Variants in PPP1R16A observed in about 807,000 individuals in gnomAD.
PPP1R16A encodes protein phosphatase 1 regulatory subunit 16A.
Under a neutral mutation model 46.6 loss-of-function variants are expected in PPP1R16A, and 39 were observed. The observed-to-expected ratio is 0.84, with a 90% CI of 0.65 to 1.09. The LOEUF is 1.09. PPP1R16A is among the 50% of genes least tolerant of loss of function. The pLI, the probability that PPP1R16A is intolerant of heterozygous loss-of-function variation, is 0.00. For missense variants in PPP1R16A, 798 were observed against 735.6 expected (o/e 1.08, Z -0.98); for synonymous variants, 413 against 321.5 (o/e 1.28, Z -3.04).
chr8:144,499,107 A>C, intron 5 of PPP1R16A, 46 bp downstream of exon 5: 1 of 1,536,796 alleles, frequency 6.5e-7, no homozygotes, highest in Non-Finnish European at 8.8e-7. Context: ...TTCCTCTCAG[A>C]TGGCCGCTCA....
chr8:144,479,723 G>A (rs1825325528), intron 1 of PPP1R16A, among the ~76,000 whole-genome samples: 1 of 152,212 alleles, frequency 6.6e-6, no homozygotes, highest in Admixed American at 6.5e-5. Flanking sequence ...CCCCGAGCGT[G>A]TCCTAACCCT....
At position 144,498,922 on chromosome 8, in the gene PPP1R16A, A is replaced by G. The variant is rs540375232; in HGVS notation, c.337A>G (p.Ile113Val). ...CACGTGGCACGGTTTGCAGTGCTGC[A>G]TTGATGATTTCCGAGAGATGGTGCA... The part of the protein sequence containing the change: ...DGLTALHQCC[I>V]DDFREMVQQL... Residue 113 changes from isoleucine (I) to valine (V), a missense_variant, in exon 5 of 12, where the codon ATT becomes GTT. Physicochemically the swap from Ile to Val is conservative, Grantham distance 29. Transcript: ENST00000435887. 8 of 1,612,980 alleles carry G rather than the reference A, an allele frequency of 5.0e-6. No homozygotes were observed. The South Asian group carries it at 6.6e-5, about 13-fold the overall frequency.
At chr8:144,480,895 GT>G (rs1265685667) in intron 1 of PPP1R16A, among the ~76,000 whole-genome samples, 33 of 146,450 alleles carry the variant, frequency 2.3e-4, no homozygotes, top group Non-Finnish European at 2.4e-4. Flanking sequence ...TGTTTGATGG[GT>G]TTTTTTTTTT....
intron 1 of PPP1R16A, among the ~76,000 whole-genome samples, chr8:144,482,191 G>T (rs1327798586): frequency 2.6e-5 from 4 of 151,616 alleles, no homozygotes; most frequent in Non-Finnish European, 5.9e-5. Flanking sequence ...TTCTGCCTCA[G>T]CCTCCCAAGT....
chr8:144,483,225 A>G (rs1825508713), intron 1 of PPP1R16A, among the ~76,000 whole-genome samples: 1 of 152,176 alleles, frequency 6.6e-6, no homozygotes, highest in South Asian at 2.1e-4. Context: ...GTGTGTGTAA[A>G]GTAGGTTTCC....
rs1213136606 is a variant in PPP1R16A at position 144,493,134 on chromosome 8, C to G, written c.-735+2922C>G. Among the ~76,000 whole-genome samples, 4 of 152,050 alleles carry G rather than the reference C, an allele frequency of 2.6e-5. No individual in the cohort carries two copies. Among genetic ancestry groups the G allele is most frequent in the African/African-American group, 9.7e-5 (4 of 41,408 alleles). Reference sequence around the variant, plus strand: ...GCCTCCCTTCCTGAATCCACATGGCCCAGCGGTATGTAGGCAGTGAGGGGA... The same window carrying G: ...GCCTCCCTTCCTGAATCCACATGGCGCAGCGGTATGTAGGCAGTGAGGGGA... On this transcript the variant is annotated intron_variant, in intron 2 of 11. Transcript: ENST00000435887. The surrounding 1 kb of genome is among the most constrained non-coding windows in gnomAD (Gnocchi z 4.3).
intron 2 of PPP1R16A, among the ~76,000 whole-genome samples, chr8:144,492,364 C>G (rs1464934828): frequency 7.5e-6 from 1 of 134,028 alleles, no homozygotes; most frequent in Non-Finnish European, 1.6e-5. Flanking sequence ...GATAGGGAGT[C>G]TCTCTCTGTC....
chr8:144,501,263 C>G lies in PPP1R16A; in HGVS notation c.1172C>G (p.Thr391Arg), dbSNP rs773843554. ...EPPEDNDDRQTGAELRPPPPE... is the reference protein window; with the variant it reads ...EPPEDNDDRQRGAELRPPPPE... ...CCCGAGGACAACGATGACCGCCAGA[C>G]AGGCGCAGAGCTCAGGCCGCCGCCC... The change falls in exon 11 of 12, where the codon ACA (threonine) becomes AGA (arginine). Residue 391 changes from threonine to arginine, a missense_variant. Thr to Arg is a moderately conservative substitution (Grantham distance 71). Coordinates refer to ENST00000435887, the MANE Select transcript of PPP1R16A (RefSeq NM_001329443.2). The G allele has an allele frequency of 2.5e-6, 4 of 1,601,112 alleles. 1 individual carries two copies. The Middle Eastern group carries it at 4.9e-4, about 198-fold the overall frequency.
intron 5 of PPP1R16A, 159 bp from the exon 6 acceptor site, chr8:144,499,937 C>T (rs1163784824): frequency 7.5e-6 from 5 of 670,204 alleles, no homozygotes; most frequent in African/African-American, 1.8e-5. Context: ...CTAGGACAGC[C>T]GATGGGCCCC....
In PPP1R16A at chr8:144,502,086, C is replaced by T. The variant is rs942139093; in HGVS notation, c.*183C>T. On this transcript the variant is annotated 3_prime_UTR_variant, in exon 12 of 12. Coordinates refer to ENST00000435887, the MANE Select transcript of PPP1R16A (RefSeq NM_001329443.2). Reference sequence around the variant, plus strand: ...GTCTGGCTGCAAAGACTATTTTTATCCTGCAACTCTTGATAAAGGGCTGTT... The same window carrying T: ...GTCTGGCTGCAAAGACTATTTTTATTCTGCAACTCTTGATAAAGGGCTGTT... The T allele has an allele frequency of 4.3e-5, 25 of 587,800 alleles. No homozygotes were observed. The highest frequency in any genetic ancestry group is 3.4e-4 in the Admixed American group (10 of 29,606). 36.4% of individuals were successfully genotyped at this position (587,800 alleles called of 1,614,324 possible).
chr8:144,501,436 C>A, intron 11 of PPP1R16A, 84 bp from the exon 12 acceptor site: 1 of 1,477,358 alleles, frequency 6.8e-7, no homozygotes, highest in South Asian at 1.4e-5. Flanking sequence ...TCCTGTCTGT[C>A]CCTTCATGAC....
At chr8:144,496,396 G>A (rs1826068651) in intron 2 of PPP1R16A, 65 bp from the exon 3 acceptor site, 1 of 152,540 alleles carries the variant, frequency 6.6e-6, no homozygotes, top group Non-Finnish European at 1.5e-5. Flanking sequence ...CCCAGGGCAG[G>A]GGCTCCCCCG....
chr8:144,484,068 A>G (rs1469358515), intron 1 of PPP1R16A, among the ~76,000 whole-genome samples: 5 of 152,168 alleles, frequency 3.3e-5, no homozygotes. Flanking sequence ...TTGGTTGTCT[A>G]GACCCCACAC....
Position 144,498,780 on chromosome 8 carries a change from C to T in PPP1R16A, c.270C>T (p.Phe90=), listed in dbSNP as rs139881624. The change falls in exon 4 of 12, where the codon TTC becomes TTT. Residue 90 remains phenylalanine, a synonymous_variant. Coordinates refer to ENST00000435887, the MANE Select transcript of PPP1R16A (RefSeq NM_001329443.2). The stretch of plus-strand genomic sequence containing the variant: ...GCCACCTTTTTGCAGTCCGCCAGTT[C>T]CTTGGGAGTGGGGTCAGCCCTGACT... ...ARNDLEEVRQ[F]LGSGVSPDLA... 178 of 1,589,066 alleles carry T rather than the reference C, an allele frequency of 1.1e-4. 1 individual carries two copies. Among genetic ancestry groups the T allele is most frequent in the Middle Eastern group, 3.3e-4 (2 of 6,002 alleles).
rs566338899 is a variant in PPP1R16A, at chr8:144,496,737, ACTCTCAGGGG to A, written c.-454_-445del. 20 of 212,356 alleles carry A rather than the reference ACTCTCAGGGG, an allele frequency of 9.4e-5. No homozygotes were observed. Among genetic ancestry groups the A allele is most frequent in the African/African-American group, 4.4e-4 (19 of 43,678 alleles). 13.2% of individuals were successfully genotyped at this position (212,356 alleles called of 1,614,324 possible). ...CCTGAGCCTAGAAGGTGAAAAGAGG[ACTCTCAGGGG>A]CTCACAGGGGCTCTCACTGCTGGTT... On this transcript the variant is annotated 5_prime_UTR_variant, in exon 3 of 12. Coordinates refer to ENST00000435887, the MANE Select transcript of PPP1R16A (RefSeq NM_001329443.2).
Position 144,500,411 on chromosome 8 carries a change from G to A in PPP1R16A, c.705+20G>A. ...ACGCTGGTGAGGGCTGGGGGGTGAG[G>A]GGCACACGGGGCTGGGGGCCTCGCT... On this transcript the variant is annotated intron_variant, in intron 7 of 11. Transcript: ENST00000435887. The A allele has an allele frequency of 6.6e-7, 1 of 1,518,298 alleles. No individual in the cohort carries two copies. Among genetic ancestry groups the A allele is most frequent in the Non-Finnish European group, 8.8e-7 (1 of 1,137,238 alleles). The allele number at this position is 1,518,298 out of a possible 1,614,324, so 94.1% of individuals were successfully genotyped here. A position where few individuals can be genotyped will look rare whatever the true frequency, so the allele number is the denominator to read the frequency against.
intron 1 of PPP1R16A, among the ~76,000 whole-genome samples, chr8:144,482,482 G>A (rs1428078099): frequency 2.0e-5 from 3 of 151,608 alleles, no homozygotes; most frequent in African/African-American, 7.3e-5. Context: ...CCACCTCCTG[G>A]GTTTAAGCAG....
At chr8:144,499,600 G>A (rs965963628) in intron 5 of PPP1R16A, 11 of 185,944 alleles carry the variant, frequency 5.9e-5, no homozygotes, top group Non-Finnish European at 1.0e-4. Flanking sequence ...CATGGCGGTC[G>A]CGTCACACAC....
At chr8:144,482,019 G>A (rs1312921399) in intron 1 of PPP1R16A, among the ~76,000 whole-genome samples, 22 of 151,876 alleles carry the variant, frequency 1.4e-4, no homozygotes, top group Admixed American at 6.5e-4. Flanking sequence ...CCTCGTATCC[G>A]CCCGCCTTGG....
Sources: allele counts gnomAD v4.1 joint callset (sites outside exome capture counted in the v4.1 genomes callset), GRCh38; gene constraint gnomAD v4.1.1; non-coding constraint Gnocchi (gnomAD v3.1); transcripts MANE v1.5; gene names NCBI Gene and HGNC (gene_info 2026-07-23, HGNC 2026-07-21).